ZNF236: variants seen among roughly 807,000 people sequenced by gnomAD.
ZNF236 encodes regulated by glucose.
A neutral mutation model predicts 191.2 loss-of-function variants in ZNF236; 50 were observed. That is an observed-to-expected ratio of 0.26 (90% CI 0.21 to 0.33). ZNF236 has a LOEUF of 0.33. Ranked by LOEUF, ZNF236 falls within the 10% of genes least tolerant of loss-of-function variation. The pLI, the probability that ZNF236 is intolerant of heterozygous loss-of-function variation, is 1.00. For synonymous variants in ZNF236, 907 were observed against 928.8 expected, an observed-to-expected ratio of 0.98 and a Z score of 0.43; for missense variants, 1,754 against 2,374.5, an observed-to-expected ratio of 0.74 and a Z score of 5.43.
At chr18:76,840,736 C>T (rs1975462054) in intron 1 of ZNF236, 1 of 132,122 alleles carries the variant, frequency 7.6e-6, no homozygotes, top group African/African-American at 2.9e-5. Flanking sequence ...AGTGATTCTT[C>T]TTTACTGCAA....
intron 11 of ZNF236, 22 bp from the exon 12 acceptor site, chr18:76,904,358 C>A: frequency 6.3e-7 from 1 of 1,582,074 alleles, no homozygotes. Flanking sequence ...TGAATTACAT[C>A]TGCTTTTCTT....
chr18:76,913,343 A>G (rs774676492), intron 17 of ZNF236, among the ~76,000 whole-genome samples: 23 of 152,342 alleles, frequency 1.5e-4, no homozygotes, highest in Non-Finnish European at 3.4e-4. Context: ...GTGACTAGAT[A>G]CAGGAGTGAT....
intron 10 of ZNF236, among the ~76,000 whole-genome samples, chr18:76,898,518 A>G (rs942753583): frequency 2.0e-5 from 3 of 152,388 alleles, no homozygotes; most frequent in Non-Finnish European, 4.4e-5. Context: ...GGGGCACAGT[A>G]GTAAGAGGAT....
chr18:76,928,190 T>G (rs1967758450), intron 25 of ZNF236, 84 bp downstream of exon 25: 1 of 1,117,474 alleles, frequency 8.9e-7, no homozygotes, highest in Non-Finnish European at 1.2e-6. Context: ...TACAATACTC[T>G]GCTGTGCATA....
intron 12 of ZNF236, 148 bp from the exon 13 acceptor site, chr18:76,905,007 C>G: frequency 2.3e-6 from 2 of 862,160 alleles, no homozygotes; most frequent in Non-Finnish European, 3.5e-6. Context: ...GGCTTCCTCC[C>G]TTGTGAAATG....
chr18:76,913,697 A>G (rs1967279231), intron 17 of ZNF236, 50 bp from the exon 18 acceptor site: 1 of 1,586,374 alleles, frequency 6.3e-7, no homozygotes, highest in African/African-American at 1.3e-5. Context: ...CTGTATTTGT[A>G]ATTGTGCTAT....
At position 76,919,247 on chromosome 18, in the gene ZNF236, A is replaced by G. The variant is rs1268135374; in HGVS notation, c.3275-529A>G. Among the ~76,000 whole-genome samples the G allele has an allele frequency of 2.6e-5, 4 of 152,192 alleles. No homozygotes were observed. Among genetic ancestry groups the G allele is most frequent in the Non-Finnish European group, 2.9e-5 (2 of 68,034 alleles). The stretch of plus-strand genomic sequence containing the variant: ...TCTGAGCGTCTTCCTAATGTTGGTC[A>G]TCACTCTCCTAAAGGATGCCCTTCA... On this transcript the variant is annotated intron_variant, in intron 19 of 30. Coordinates refer to ENST00000320610, the MANE Select transcript of ZNF236 (RefSeq NM_001306089.2). This position sits in a 1 kb window ranked among gnomAD's most constrained non-coding sequence, Gnocchi z 5.3.
intron 30 of ZNF236, 92 bp from the exon 31 acceptor site, chr18:76,968,122 TC>T: frequency 1.3e-6 from 2 of 1,494,012 alleles, no homozygotes; most frequent in Non-Finnish European, 1.8e-6. Flanking sequence ...AAATTCCTTG[TC>T]TCTTTCTACC....
intron 1 of ZNF236, among the ~76,000 whole-genome samples, chr18:76,827,540 G>C (rs1363397147): frequency 1.3e-5 from 2 of 152,186 alleles, no homozygotes; most frequent in East Asian, 1.9e-4. Flanking sequence ...CTAGGGTCTA[G>C]AATACAAAGC....
At chr18:76,830,071 A>G (rs1013326149) in intron 1 of ZNF236, among the ~76,000 whole-genome samples, 1 of 151,986 alleles carries the variant, frequency 6.6e-6, no homozygotes, top group Non-Finnish European at 1.5e-5. Flanking sequence ...GGGGTTCACC[A>G]TGTTGGCCAG....
chr18:76,849,184 A>G (rs1461929769), intron 1 of ZNF236: 1 of 179,572 alleles, frequency 5.6e-6, no homozygotes, highest in African/African-American at 2.4e-5. Context: ...ACTTTGAAAC[A>G]CTATACAGTA....
At chr18:76,870,448 G>T (rs539053147) in intron 4 of ZNF236, among the ~76,000 whole-genome samples, 1 of 152,308 alleles carries the variant, frequency 6.6e-6, no homozygotes, top group African/African-American at 2.4e-5. Flanking sequence ...GGTGCTTGTG[G>T]CACTCAGACA....
At chr18:76,961,323 A>G (rs1968661432) in intron 30 of ZNF236, among the ~76,000 whole-genome samples, 1 of 151,782 alleles carries the variant, frequency 6.6e-6, no homozygotes. Context: ...AGGTGGTTGC[A>G]GATGCTATTA....
chr18:76,864,714 T>C (rs1432659739), intron 3 of ZNF236, among the ~76,000 whole-genome samples: 1 of 150,230 alleles, frequency 6.7e-6, no homozygotes, highest in East Asian at 1.9e-4. Context: ...CTCAGGACAG[T>C]GATATTTAAA....
chr18:76,908,612 C>A, intron 14 of ZNF236, 39 bp downstream of exon 14: 1 of 1,563,468 alleles, frequency 6.4e-7, no homozygotes, highest in Non-Finnish European at 8.6e-7. Flanking sequence ...GTGATCCCAG[C>A]AGAGTTTTGC....
Position 76,972,429 on chromosome 18 carries a change from TCACA to T in ZNF236, c.*4094_*4097del, listed in dbSNP as rs564426874. On this transcript the variant is annotated 3_prime_UTR_variant, in exon 31 of 31. Transcript: ENST00000320610. ...ATGAGCACATAGCTCACCCTCACCC[TCACA>T]CACTCACCCACACACTCACCCTCAC... Among the ~76,000 whole-genome samples, 1 of 151,804 alleles carries T rather than the reference TCACA, an allele frequency of 6.6e-6. No homozygotes were observed. The highest frequency in any genetic ancestry group is 2.1e-4 in the South Asian group (1 of 4,810).
intron 15 of ZNF236, 54 bp from the exon 16 acceptor site, chr18:76,910,606 T>A (rs1188338862): frequency 6.4e-7 from 1 of 1,550,824 alleles, no homozygotes; most frequent in African/African-American, 1.4e-5. Context: ...TCTTAGAACA[T>A]TTTAATGTAA....
At chr18:76,899,866 G>A (rs1977538698) in intron 11 of ZNF236, among the ~76,000 whole-genome samples, 2 of 152,128 alleles carry the variant, frequency 1.3e-5, no homozygotes, top group African/African-American at 4.8e-5. Flanking sequence ...GTAAATACTA[G>A]GAGTTTACTT....
intron 9 of ZNF236, among the ~76,000 whole-genome samples, chr18:76,888,185 A>C (rs500483): frequency 0.42 from 64,227 of 152,010 alleles, 13,647 homozygotes; most frequent in East Asian, 0.53. Flanking sequence ...TCCTGGCTAA[A>C]ATGGTGTAAC....
Sources: gnomAD v4.1 joint callset for allele counts (sites outside exome capture counted in the v4.1 genomes callset) on GRCh38, gnomAD v4.1.1 for gene constraint, Gnocchi (gnomAD v3.1) non-coding constraint, MANE v1.5 for transcripts, NCBI Gene and HGNC (gene_info 2026-07-23, HGNC 2026-07-21) for gene names.